Variants in SCRN3 observed in about 807,000 individuals in gnomAD.
SCRN3 encodes the protein secernin 3.
SCRN3 carries 39 observed loss-of-function variants against 43.1 expected under a neutral mutation model. The ratio of observed to expected loss-of-function variants is 0.91; its 90% CI spans 0.70 to 1.18. SCRN3 has a LOEUF of 1.18. SCRN3 is among the 50% of genes most tolerant of loss of function. The pLI is 0.00. For missense variants in SCRN3, 484 were observed against 498.0 expected (o/e 0.97, Z 0.27); for synonymous variants, 147 against 163.1 (o/e 0.90, Z 0.75).
In SCRN3 at chr2:174,395,760, C is replaced by T. The variant is rs762382756; in HGVS notation, c.-67C>T. The T allele has an allele frequency of 6.3e-7, 1 of 1,582,738 alleles. No individual in the cohort carries two copies. Among genetic ancestry groups the T allele is most frequent in the Non-Finnish European group, 8.6e-7 (1 of 1,163,760 alleles). On this transcript the variant is annotated 5_prime_UTR_variant, in exon 1 of 8. Transcript: ENST00000272732. ...AGGTGACAGCTTCCGGCAACTGATG[C>T]CTCCACTGGCCACTCCTCCCTCCGT...
intron 7 of SCRN3, among the ~76,000 whole-genome samples, chr2:174,426,049 G>T (rs956156908): frequency 1.3e-5 from 2 of 151,944 alleles, no homozygotes; most frequent in African/African-American, 4.8e-5. Flanking sequence ...TTAACTGTTT[G>T]TAATAAGGCG....
At chr2:174,404,377 G>A (rs928125222) in intron 5 of SCRN3, 62 bp downstream of exon 5, 6 of 1,091,784 alleles carry the variant, frequency 5.5e-6, no homozygotes, top group Middle Eastern at 2.1e-4. Flanking sequence ...ATGTAATATG[G>A]GAATGATAAC....
Position 174,401,452 on chromosome 2 carries a change from A to G in SCRN3, c.541+263A>G, listed in dbSNP as rs1252627648. ...ACTTTCTTTGCTGCAGCTCTTGGCC[A>G]TTTCATAGTACTTTTTCACTTTAAT... On this transcript the variant is annotated intron_variant, in intron 4 of 7. Transcript: ENST00000272732. Among the ~76,000 whole-genome samples, 3 of 152,134 alleles carry G rather than the reference A, an allele frequency of 2.0e-5. No individual in the cohort carries two copies. The East Asian group carries it at 5.8e-4, about 29-fold the overall frequency.
At chr2:174,417,027 TGTTATA>T (rs1686135353) in intron 5 of SCRN3, among the ~76,000 whole-genome samples, 1 of 152,234 alleles carries the variant, frequency 6.6e-6, no homozygotes, top group African/African-American at 2.4e-5. Flanking sequence ...AGTTTCTTAA[TGTTATA>T]GTTTAATAAA....
At chr2:174,402,332 C>T (rs1434714465) in intron 4 of SCRN3, among the ~76,000 whole-genome samples, 1 of 152,154 alleles carries the variant, frequency 6.6e-6, no homozygotes, top group African/African-American at 2.4e-5. Context: ...ATTGTTTTCT[C>T]TTTCTATTAC....
chr2:174,399,836 C>A, intron 2 of SCRN3, 86 bp from the exon 3 acceptor site: 1 of 997,578 alleles, frequency 1.0e-6, no homozygotes, highest in Non-Finnish European at 1.3e-6. Context: ...GTTTTGTCTT[C>A]TGACTGATTT....
At chr2:174,404,590 A>G (rs1413838218) in intron 5 of SCRN3, among the ~76,000 whole-genome samples, 230 of 121,948 alleles carry the variant, frequency 1.9e-3, no homozygotes, top group African/African-American at 6.4e-3. Context: ...ATATCTCCCA[A>G]TGCTATCCCT....
At chr2:174,420,498 T>A (rs1686259941) in intron 5 of SCRN3, among the ~76,000 whole-genome samples, 1 of 152,090 alleles carries the variant, frequency 6.6e-6, no homozygotes, top group African/African-American at 2.4e-5. Flanking sequence ...AGAGAAAAAG[T>A]AGATAGTAGA....
In SCRN3 at chr2:174,400,122, T is replaced by G. The variant is rs1406007110; in HGVS notation, c.341+19T>G. On this transcript the variant is annotated intron_variant, in intron 3 of 7. Transcript: ENST00000272732. ...TTGTCAGGTTATTTTTTGTTACATT[T>G]TATACTACAGACCTTGTCTAAATTT... 6.7e-7 allele frequency: 1 copy of G among 1,503,580 alleles called. No individual in the cohort carries two copies. The highest frequency in any genetic ancestry group is 8.9e-7 in the Non-Finnish European group (1 of 1,117,900). 93.1% of individuals were successfully genotyped at this position (1,503,580 alleles called of 1,614,324 possible).
intron 5 of SCRN3, among the ~76,000 whole-genome samples, chr2:174,422,569 C>CAA (rs397872881): frequency 4.8e-4 from 52 of 109,088 alleles, no homozygotes; most frequent in South Asian, 2.9e-3. Flanking sequence ...GACTCTGTCT[C>CAA]AAAAAAAAAA....
At chr2:174,415,008 G>A (rs966626131) in intron 5 of SCRN3, among the ~76,000 whole-genome samples, 6 of 151,916 alleles carry the variant, frequency 3.9e-5, no homozygotes, top group East Asian at 1.9e-4. Context: ...CAAATGAGCC[G>A]CCCACCTTGG....
chr2:174,416,601 T>C (rs1395977500), intron 5 of SCRN3, among the ~76,000 whole-genome samples: 1 of 152,154 alleles, frequency 6.6e-6, no homozygotes, highest in Non-Finnish European at 1.5e-5. Context: ...GTGTTGGTGA[T>C]TGAGGGTGGA....
At chr2:174,399,654 A>AT (rs1002058621) in intron 2 of SCRN3, among the ~76,000 whole-genome samples, 46 of 152,278 alleles carry the variant, frequency 3.0e-4, no homozygotes, top group African/African-American at 1.1e-3. Context: ...TCTTTATCTG[A>AT]TTCATCTTTG....
At chr2:174,411,898 G>T (rs906502407) in intron 5 of SCRN3, among the ~76,000 whole-genome samples, 37 of 152,148 alleles carry the variant, frequency 2.4e-4, no homozygotes, top group Admixed American at 1.4e-3. Context: ...TCCAGCCTGG[G>T]TGTCAGAGCC....
intron 1 of SCRN3, 191 bp downstream of exon 1, chr2:174,396,008 C>T: frequency 7.4e-7 from 1 of 1,352,102 alleles, no homozygotes; most frequent in Non-Finnish European, 9.5e-7. Flanking sequence ...AGCTCGAGCC[C>T]ATTACTTTCT....
chr2:174,409,726 T>C (rs1488923856), intron 5 of SCRN3, among the ~76,000 whole-genome samples: 1 of 143,128 alleles, frequency 7.0e-6, no homozygotes, highest in African/African-American at 2.5e-5. Context: ...CCGTGTGAGG[T>C]GTCAGTGTGC....
chr2:174,406,594 T>A (rs1574652354), intron 5 of SCRN3, among the ~76,000 whole-genome samples: 1 of 150,732 alleles, frequency 6.6e-6, no homozygotes, highest in Non-Finnish European at 1.5e-5. Context: ...TGGCTGTGGG[T>A]TTGTCAGAGA....
chr2:174,395,816 A>C lies in SCRN3; in HGVS notation c.-11A>C. 1 of 1,530,670 alleles carries C rather than the reference A, an allele frequency of 6.5e-7. No homozygotes were observed. The highest frequency in any genetic ancestry group is 1.4e-5 in the African/African-American group (1 of 73,088). The allele number at this position is 1,530,670 out of a possible 1,614,324, so 94.8% of individuals were successfully genotyped here. On this transcript the variant is annotated splice_region_variant and 5_prime_UTR_variant, in exon 1 of 8. Coordinates refer to ENST00000272732, the MANE Select transcript of SCRN3 (RefSeq NM_024583.5). ...TGTCACTTCGGGTAGCTGGGAGGCC[A>C]GGTGAGGGGCGCGCACGGGGGAGGG...
At chr2:174,419,675 C>T (rs1376515423) in intron 5 of SCRN3, among the ~76,000 whole-genome samples, 1 of 152,174 alleles carries the variant, frequency 6.6e-6, no homozygotes, top group Non-Finnish European at 1.5e-5. Flanking sequence ...AGGCATAAGC[C>T]AGCTTGCCTG....
Sources: gnomAD v4.1 joint callset for allele counts (sites outside exome capture counted in the v4.1 genomes callset) on GRCh38, gnomAD v4.1.1 for gene constraint, MANE v1.5 for transcripts, NCBI Gene and HGNC (gene_info 2026-07-23, HGNC 2026-07-21) for gene names.